The following PRR5L variants were observed in gnomAD, a reference collection of about 807,000 sequenced individuals.
The protein encoded by PRR5L is proline rich 5 like, also known as proline-rich protein 5-like.
In PRR5L, 21 loss-of-function variants were observed where a neutral mutation model predicts 36.4. The ratio of observed to expected loss-of-function variants is 0.58; its 90% confidence interval spans 0.41 to 0.83. PRR5L has a LOEUF of 0.83. Among genes scored for constraint, PRR5L ranks in the 40% least tolerant of loss-of-function variants. The probability of loss-of-function intolerance (pLI) is 0.00; values close to 1 mark genes in which losing one functional copy is unlikely to be tolerated. For synonymous variants in PRR5L, 188 were observed against 197.0 expected, an observed-to-expected ratio of 0.95 and a Z score of 0.38; for missense variants, 381 against 473.3, an observed-to-expected ratio of 0.80 and a Z score of 1.81.
At chr11:36,357,207 C>T (rs552906968) in intron 1 of PRR5L, among the ~76,000 whole-genome samples, 1 of 152,096 alleles carries the variant, frequency 6.6e-6, no homozygotes, top group East Asian at 1.9e-4. Flanking sequence ...TCCTATGAAG[C>T]CTGAGCAAGG....
chr11:36,447,833 A>G (rs1858864148), intron 7 of PRR5L, among the ~76,000 whole-genome samples: 1 of 152,162 alleles, frequency 6.6e-6, no homozygotes, highest in African/African-American at 2.4e-5. Flanking sequence ...AAGTATTTTT[A>G]TGGAAGAGAT....
Position 36,377,273 on chromosome 11 carries a change from C to T in PRR5L, c.-125-23724C>T, listed in dbSNP as rs1268562154. Among the ~76,000 whole-genome samples, 1 of 152,212 alleles carries T rather than the reference C, an allele frequency of 6.6e-6. No homozygotes were observed. Among genetic ancestry groups the T allele is most frequent in the Admixed American group, 6.5e-5 (1 of 15,290 alleles). On this transcript the variant is annotated intron_variant, in intron 1 of 8. Transcript: ENST00000530639. The surrounding 1 kb of genome is among the most constrained non-coding windows in gnomAD (Gnocchi z 5.1). ...CGCGCGCTCTGCGGACTAGGGTGGGCCAGGGCCCAGCCAGTGGGGATCCCG... is the reference window on the plus strand; with the variant it reads ...CGCGCGCTCTGCGGACTAGGGTGGGTCAGGGCCCAGCCAGTGGGGATCCCG...
intron 1 of PRR5L, among the ~76,000 whole-genome samples, chr11:36,315,376 G>A (rs975067204): frequency 6.6e-6 from 1 of 152,176 alleles, no homozygotes; most frequent in African/African-American, 2.4e-5. Context: ...TTTGTATTTT[G>A]ATTTGATGTA....
chr11:36,319,471 G>C (rs1399273522), intron 1 of PRR5L, among the ~76,000 whole-genome samples: 5 of 152,202 alleles, frequency 3.3e-5, no homozygotes, highest in Non-Finnish European at 1.5e-5. Flanking sequence ...TAAAGGGCCA[G>C]ATAGTAAGGG....
At chr11:36,342,758 C>A (rs112049003) in intron 1 of PRR5L, among the ~76,000 whole-genome samples, 2 of 152,254 alleles carry the variant, frequency 1.3e-5, no homozygotes, top group Middle Eastern at 3.4e-3. Flanking sequence ...TGACCAGAGA[C>A]CCTTTACAAT....
Position 36,373,437 on chromosome 11 carries a change from ACTT to A in PRR5L, c.-125-27557_-125-27555del, listed in dbSNP as rs576793605. On this transcript the variant is annotated intron_variant, in intron 1 of 8. Coordinates refer to ENST00000530639, the MANE Select transcript of PRR5L (RefSeq NM_001160167.2). ...TCTGATTTCCATGGAAATACTGACT[ACTT>A]CTCCTCTTAAGAAAATTCTGGCTTG... Among the ~76,000 whole-genome samples the A allele has an allele frequency of 4.4e-3, 676 of 152,214 alleles. 4 individuals are homozygous for A. Among genetic ancestry groups the A allele is most frequent in the Non-Finnish European group, 7.3e-3 (494 of 68,002 alleles).
intron 4 of PRR5L, among the ~76,000 whole-genome samples, chr11:36,420,834 AACACACAC>A (rs58639707): frequency 0.018 from 2,472 of 139,382 alleles, 52 homozygotes; most frequent in African/African-American, 0.043. Context: ...CAGTTGTTTA[AACACACAC>A]ACACACACAC....
rs1857284568 is a variant in PRR5L, at chr11:36,377,361, C to T, written c.-125-23636C>T. Among the ~76,000 whole-genome samples the T allele has an allele frequency of 6.6e-6, 1 of 152,200 alleles. No homozygotes were observed. The highest frequency in any genetic ancestry group is 2.1e-4 in the South Asian group (1 of 4,836). On this transcript the variant is annotated intron_variant, in intron 1 of 8. Coordinates refer to ENST00000530639, the MANE Select transcript of PRR5L (RefSeq NM_001160167.2). This position sits in a 1 kb window ranked among gnomAD's most constrained non-coding sequence, Gnocchi z 5.1. ...CTGCGGACCCCGCGCTGGGAGTCCGCAGTATCCCCCTTCCGTTTTATTTCT... is the reference window on the plus strand; with the variant it reads ...CTGCGGACCCCGCGCTGGGAGTCCGTAGTATCCCCCTTCCGTTTTATTTCT...
chr11:36,388,174 G>C (rs1374503272), intron 1 of PRR5L: 1 of 152,184 alleles, frequency 6.6e-6, no homozygotes, highest in Non-Finnish European at 1.5e-5. Flanking sequence ...TACTTTTCCT[G>C]CCAGTGTTTA....
At chr11:36,318,936 G>A (rs776850975) in intron 1 of PRR5L, among the ~76,000 whole-genome samples, 4 of 152,162 alleles carry the variant, frequency 2.6e-5, no homozygotes, top group Non-Finnish European at 5.9e-5. Flanking sequence ...TGATTTCCTT[G>A]ACTTTTCTCG....
At chr11:36,438,022 C>G (rs1294069909) in intron 6 of PRR5L, among the ~76,000 whole-genome samples, 2 of 152,158 alleles carry the variant, frequency 1.3e-5, no homozygotes, top group African/African-American at 4.8e-5. Flanking sequence ...AGTCATTTAT[C>G]TTCTGTGAGC....
chr11:36,369,549 G>A (rs1857177434), intron 1 of PRR5L, among the ~76,000 whole-genome samples: 1 of 152,270 alleles, frequency 6.6e-6, no homozygotes, highest in Admixed American at 6.5e-5. Context: ...CAATCACCAA[G>A]AAAGACGAAA....
intron 3 of PRR5L, among the ~76,000 whole-genome samples, chr11:36,411,191 A>C (rs56748157): frequency 0.034 from 5,216 of 152,108 alleles, 289 homozygotes; most frequent in African/African-American, 0.12. Context: ...ACTCCATCCG[A>C]GGTGATTTCC....
intron 8 of PRR5L, chr11:36,454,844 T>A (rs538345822): frequency 6.6e-6 from 1 of 152,290 alleles, no homozygotes; most frequent in East Asian, 1.9e-4. Flanking sequence ...AGGCCCACGA[T>A]GAGAGTGAGA....
At chr11:36,454,172 T>C (rs12282981) in intron 8 of PRR5L, 36,116 of 152,130 alleles carry the variant, frequency 0.24, 4,979 homozygotes, top group African/African-American at 0.36. Context: ...CCACATGCTC[T>C]ACCGCCACCC....
At position 36,332,092 on chromosome 11, in the gene PRR5L, A is replaced by C. The variant is rs184677098; in HGVS notation, c.-126+35654A>C. Among the ~76,000 whole-genome samples, 97 of 152,320 alleles carry C rather than the reference A, an allele frequency of 6.4e-4. 1 individual carries two copies. The highest frequency in any genetic ancestry group is 2.2e-3 in the African/African-American group (90 of 41,570). On this transcript the variant is annotated intron_variant, in intron 1 of 8. Coordinates refer to ENST00000530639, the MANE Select transcript of PRR5L (RefSeq NM_001160167.2). Reference sequence around the variant, plus strand: ...CTAGTTCTTGGCTTTAGACGGGTTCATTCTTATTTAAGTCCTTTAATTTTT... The same window carrying C: ...CTAGTTCTTGGCTTTAGACGGGTTCCTTCTTATTTAAGTCCTTTAATTTTT...
intron 5 of PRR5L, among the ~76,000 whole-genome samples, chr11:36,435,546 G>A (rs1207912950): frequency 6.6e-6 from 1 of 152,200 alleles, no homozygotes; most frequent in Non-Finnish European, 1.5e-5. Flanking sequence ...GAGCAGTCAA[G>A]GCAGAAGGGC....
intron 1 of PRR5L, among the ~76,000 whole-genome samples, chr11:36,346,022 C>A (rs1323057762): frequency 1.3e-5 from 2 of 152,160 alleles, no homozygotes; most frequent in Admixed American, 6.5e-5. Flanking sequence ...AGCCCCTTGG[C>A]TCTCTTCATT....
At chr11:36,409,862 G>A (rs1170389760) in intron 3 of PRR5L, among the ~76,000 whole-genome samples, 2 of 152,226 alleles carry the variant, frequency 1.3e-5, no homozygotes, top group Non-Finnish European at 2.9e-5. Flanking sequence ...CCAGAGTCAT[G>A]TAGCCAGTAA....
Sources: gnomAD v4.1 joint callset for allele counts (sites outside exome capture counted in the v4.1 genomes callset) on GRCh38, gnomAD v4.1.1 for gene constraint, Gnocchi (gnomAD v3.1) non-coding constraint, MANE v1.5 for transcripts, NCBI Gene and HGNC (gene_info 2026-07-23, HGNC 2026-07-21) for gene names.